Variants in PCDHGA2 observed in about 807,000 individuals in gnomAD.
The protein encoded by PCDHGA2 is protocadherin gamma subfamily A, 2, also known as protocadherin gamma-A2.
A neutral mutation model predicts 59.2 loss-of-function variants in PCDHGA2; 40 were observed. That is an observed-to-expected ratio of 0.68 (90% confidence interval 0.52 to 0.88). The LOEUF is 0.88. Among genes scored for constraint, PCDHGA2 ranks in the 40% least tolerant of loss-of-function variants. PCDHGA2 has a pLI of 0.00. For synonymous variants in PCDHGA2, 560 were observed against 526.0 expected (o/e 1.06, Z -0.89); for missense variants, 1,226 against 1,204.0 (o/e 1.02, Z -0.27).
At chr5:141,509,071 G>T (rs1209992467) in intron 3 of PCDHGA2, among the ~76,000 whole-genome samples, 1 of 152,176 alleles carries the variant, frequency 6.6e-6, no homozygotes, top group Admixed American at 6.5e-5. Flanking sequence ...CAGCTCCGGG[G>T]ATTTGCGACA....
chr5:141,350,796 C>A (rs780182840), intron 1 of PCDHGA2: 4 of 1,613,966 alleles, frequency 2.5e-6, no homozygotes, highest in East Asian at 4.5e-5. Context: ...TCTCTGTCAA[C>A]GAAGGAAAGT....
intron 3 of PCDHGA2, 90 bp from the exon 4 acceptor site, chr5:141,510,857 A>G (rs1184962556): frequency 6.2e-7 from 1 of 1,605,538 alleles, no homozygotes; most frequent in Non-Finnish European, 8.5e-7. Flanking sequence ...AGGGTGCTGT[A>G]TAGGCATTCA....
At chr5:141,380,894 AT>A (rs1776829006) in intron 1 of PCDHGA2, among the ~76,000 whole-genome samples, 1 of 152,262 alleles carries the variant, frequency 6.6e-6, no homozygotes, top group Admixed American at 6.5e-5. Context: ...TTGTTTGAAA[AT>A]ATCTACAAGT....
At chr5:141,389,822 C>A in intron 1 of PCDHGA2, 3 of 1,613,932 alleles carry the variant, frequency 1.9e-6, no homozygotes, top group Middle Eastern at 1.6e-4. Context: ...CCGTGCGTGA[C>A]GGTGGACAGC....
chr5:141,489,696 C>T lies in PCDHGA2; in HGVS notation c.2425-5111C>T. On this transcript the variant is annotated intron_variant, in intron 1 of 3. Transcript: ENST00000394576. This position sits in a 1 kb window ranked among gnomAD's most constrained non-coding sequence, Gnocchi z 4.5. ...AATCAGCAGCATCTGGGGCACGATT[C>T]CCACTGGACAGTGCCCAGGATCCGG... 6.2e-7 allele frequency: 1 copy of T among 1,614,170 alleles called. No homozygotes were observed. Among genetic ancestry groups the T allele is most frequent in the Non-Finnish European group, 8.5e-7 (1 of 1,180,002 alleles).
chr5:141,344,615 G>T, intron 1 of PCDHGA2: 2 of 1,613,970 alleles, frequency 1.2e-6, no homozygotes, highest in Non-Finnish European at 1.7e-6. Flanking sequence ...ATCCAGAGCT[G>T]GTGCTGGAGC....
At chr5:141,405,145 G>A (rs772542898) in intron 1 of PCDHGA2, 4 of 1,613,952 alleles carry the variant, frequency 2.5e-6, no homozygotes, top group African/African-American at 2.7e-5. Context: ...CCAGTGATGG[G>A]TTGGCTGGTG....
chr5:141,400,783 T>G (rs2094075214), intron 1 of PCDHGA2: 1 of 566,968 alleles, frequency 1.8e-6, no homozygotes, highest in African/African-American at 1.9e-5. Flanking sequence ...TGCGTTTTTT[T>G]GTCCTCTTTC....
chr5:141,360,370 C>A lies in PCDHGA2; in HGVS notation c.2424+18975C>A, dbSNP rs115198789. On this transcript the variant is annotated intron_variant, in intron 1 of 3. Coordinates refer to ENST00000394576, the MANE Select transcript of PCDHGA2 (RefSeq NM_018915.4). ...GGAGAAGGAATATTTCACAGTAAAC[C>A]CAGAAAGCGGAGACTTACTTGTGAG... The A allele has an allele frequency of 5.9e-5, 95 of 1,613,810 alleles. No homozygotes were observed. The highest frequency in any genetic ancestry group is 3.1e-4 in the African/African-American group (23 of 75,012).
At chr5:141,434,240 T>A (rs979144259) in intron 1 of PCDHGA2, among the ~76,000 whole-genome samples, 1 of 152,336 alleles carries the variant, frequency 6.6e-6, no homozygotes, top group East Asian at 1.9e-4. Flanking sequence ...CTGGACTAGA[T>A]GACTTGGGCA....
chr5:141,343,657 T>G lies in PCDHGA2; in HGVS notation c.2424+2262T>G, dbSNP rs11744844. On this transcript the variant is annotated intron_variant, in intron 1 of 3. Coordinates refer to ENST00000394576, the MANE Select transcript of PCDHGA2 (RefSeq NM_018915.4). Reference sequence around the variant, plus strand: ...TTGAGGTGACACTGTTTAACATATATCGATTCAATTATGTTCAATCAACAC... The same window carrying G: ...TTGAGGTGACACTGTTTAACATATAGCGATTCAATTATGTTCAATCAACAC... 5.1e-3 allele frequency among the ~76,000 whole-genome samples: 770 copies of G among 152,322 alleles called. 3 individuals are homozygous for G. The highest frequency in any genetic ancestry group is 7.5e-3 in the Admixed American group (114 of 15,302).
intron 1 of PCDHGA2, chr5:141,417,879 A>G (rs2096177010): frequency 7.1e-6 from 11 of 1,559,306 alleles, no homozygotes; most frequent in South Asian, 2.3e-5. Flanking sequence ...AGCTGCGCGC[A>G]GAGGCGCCGG....
Position 141,491,717 on chromosome 5 carries a change from C to A in PCDHGA2, c.2425-3090C>A. ...CGGAGCCAGGTGAGGGGCTCGGCGC[C>A]GCCCCGGGCGACCCCTGGGGGCGGC... On this transcript the variant is annotated intron_variant, in intron 1 of 3. Coordinates refer to ENST00000394576, the MANE Select transcript of PCDHGA2 (RefSeq NM_018915.4). The surrounding 1 kb of genome is among the most constrained non-coding windows in gnomAD (Gnocchi z 6.9). 1 of 1,607,940 alleles carries A rather than the reference C, an allele frequency of 6.2e-7. No individual in the cohort carries two copies. Among genetic ancestry groups the A allele is most frequent in the Middle Eastern group, 1.7e-4 (1 of 6,010 alleles).
intron 1 of PCDHGA2, chr5:141,364,974 T>C (rs755409808): frequency 1.9e-6 from 3 of 1,613,888 alleles, no homozygotes; most frequent in Admixed American, 1.7e-5. Flanking sequence ...CTCACAGCTT[T>C]AGATGGCGGA....
chr5:141,403,333 C>G (rs376895778), intron 1 of PCDHGA2: 1 of 1,613,984 alleles, frequency 6.2e-7, no homozygotes, highest in South Asian at 1.1e-5. Context: ...CTGATATTAA[C>G]GACAGCGCCC....
chr5:141,467,897 A>G (rs1403276382), intron 1 of PCDHGA2, among the ~76,000 whole-genome samples: 1 of 152,056 alleles, frequency 6.6e-6, no homozygotes, highest in Non-Finnish European at 1.5e-5. Flanking sequence ...GAGCTCAAGA[A>G]ATCCGCCCAC....
chr5:141,371,774 T>A, intron 1 of PCDHGA2: 1 of 1,614,000 alleles, frequency 6.2e-7, no homozygotes, highest in Non-Finnish European at 8.5e-7. Flanking sequence ...ACACCGTGCA[T>A]GTAGCTGAGA....
intron 1 of PCDHGA2, chr5:141,342,278 C>T (rs933319538): frequency 2.0e-5 from 3 of 152,190 alleles, no homozygotes; most frequent in African/African-American, 7.2e-5. Flanking sequence ...TTTCTACTCA[C>T]AATAGCTGCT....
intron 1 of PCDHGA2, chr5:141,365,500 G>A (rs751033345): frequency 6.2e-7 from 1 of 1,613,898 alleles, no homozygotes; most frequent in Non-Finnish European, 8.5e-7. Context: ...CTAGGAATTT[G>A]CCTTTTAAAT....
Sources: gnomAD v4.1 joint callset for allele counts (sites outside exome capture counted in the v4.1 genomes callset) on GRCh38, gnomAD v4.1.1 for gene constraint, Gnocchi (gnomAD v3.1) non-coding constraint, MANE v1.5 for transcripts, NCBI Gene and HGNC (gene_info 2026-07-23, HGNC 2026-07-21) for gene names.